SBF2: variants seen among roughly 807,000 people sequenced by gnomAD.
SBF2 encodes the protein myotubularin-related protein 13.
SBF2 carries 112 observed loss-of-function variants against 225.2 expected under a neutral mutation model. The ratio of observed to expected loss-of-function variants is 0.50; its 90% CI spans 0.43 to 0.58. SBF2 has a LOEUF of 0.58. Among genes scored for constraint, SBF2 ranks in the 20% least tolerant of loss-of-function variants. SBF2 has a pLI of 0.00. For missense variants in SBF2, 1,996 were observed against 2,206.2 expected (o/e 0.90, Z 1.91); for synonymous variants, 763 against 773.3 (o/e 0.99, Z 0.22).
intron 3 of SBF2, among the ~76,000 whole-genome samples, chr11:10,035,599 G>A (rs1280134525): frequency 6.6e-6 from 1 of 152,100 alleles, no homozygotes; most frequent in Non-Finnish European, 1.5e-5. Flanking sequence ...CAACAAGTGG[G>A]CACAGGATAT....
intron 16 of SBF2, among the ~76,000 whole-genome samples, chr11:9,932,956 G>GAAAAAAA (rs1590510467): frequency 1.9e-4 from 1 of 5,376 alleles, no homozygotes; most frequent in East Asian, 8.9e-3. Flanking sequence ...CAAACGAAAA[G>GAAAAAAA]CAAAAAAAAA....
At chr11:10,058,586 A>G (rs148188080) in intron 2 of SBF2, among the ~76,000 whole-genome samples, 1 of 152,220 alleles carries the variant, frequency 6.6e-6, no homozygotes, top group Non-Finnish European at 1.5e-5. Flanking sequence ...CGTGGAACAT[A>G]TATTTCAGGA....
At chr11:10,210,367 G>A (rs966485582) in intron 1 of SBF2, among the ~76,000 whole-genome samples, 11 of 151,532 alleles carry the variant, frequency 7.3e-5, no homozygotes, top group Non-Finnish European at 8.8e-5. Context: ...AGGAGGAGGA[G>A]GGAGAGGAGG....
chr11:10,210,655 C>G lies in SBF2; in HGVS notation c.56-16668G>C, dbSNP rs186731934. Among the ~76,000 whole-genome samples the G allele has an allele frequency of 1.6e-4, 24 of 152,236 alleles. No individual in the cohort carries two copies. In the East Asian group the frequency reaches 4.6e-3, roughly 29 times the overall value. On this transcript the variant is annotated intron_variant, in intron 1 of 39. Transcript: ENST00000256190. ...TGTAGAACCATCTGTTAACCAAGAA[C>G]ACAGCAGACTCCCCAGGAATAAAAC...
At chr11:10,202,660 T>C (rs895819818) in intron 1 of SBF2, among the ~76,000 whole-genome samples, 2 of 151,790 alleles carry the variant, frequency 1.3e-5, no homozygotes. Flanking sequence ...TGGTGGCGGG[T>C]GCCTGCAGTC....
chr11:10,118,712 A>T (rs1953285147), intron 2 of SBF2, among the ~76,000 whole-genome samples: 1 of 152,078 alleles, frequency 6.6e-6, no homozygotes, highest in Admixed American at 6.5e-5. Context: ...ATCAGAGATG[A>T]CATAATTGAA....
rs138801528 is a variant in SBF2 at position 9,836,845 on chromosome 11, T to C, written c.3455+2653A>G. Among the ~76,000 whole-genome samples the C allele has an allele frequency of 2.6e-5, 4 of 152,322 alleles. No homozygotes were observed. The East Asian group carries it at 7.7e-4, about 29-fold the overall frequency. On this transcript the variant is annotated intron_variant, in intron 26 of 39. Coordinates refer to ENST00000256190, the MANE Select transcript of SBF2 (RefSeq NM_030962.4). ...GTGCTACTGTAAATAGTAGGAATAA[T>C]ACCAAAATAGCATCACTTTTTGAAA...
At chr11:10,011,198 T>C (rs910977688) in intron 6 of SBF2, among the ~76,000 whole-genome samples, 1 of 152,186 alleles carries the variant, frequency 6.6e-6, no homozygotes, top group African/African-American at 2.4e-5. Context: ...CTCTTTTTCC[T>C]GCAGTCTTAA....
rs183496643 is a variant in SBF2 at position 9,793,547 on chromosome 11, G to A, written c.4570+2284C>T. Reference sequence around the variant, plus strand: ...TGGGATTACAGGCACATGCCACCACGCCTGGCTAATGTTTGTATTTTTAGT... The same window carrying A: ...TGGGATTACAGGCACATGCCACCACACCTGGCTAATGTTTGTATTTTTAGT... On this transcript the variant is annotated intron_variant, in intron 33 of 39. Coordinates refer to ENST00000256190, the MANE Select transcript of SBF2 (RefSeq NM_030962.4). Among the ~76,000 whole-genome samples the A allele has an allele frequency of 1.5e-4, 23 of 152,192 alleles. No homozygotes were observed. The East Asian group carries it at 3.1e-3, about 20-fold the overall frequency.
rs1371647333 is a variant in SBF2 at position 9,829,441 on chromosome 11, T to C, written c.3708A>G (p.Gln1236=). The change falls in exon 28 of 40, where the codon CAA becomes CAG. Residue 1236 remains glutamine (Q), a synonymous_variant. Coordinates refer to ENST00000256190, the MANE Select transcript of SBF2 (RefSeq NM_030962.4). ...GGACAGAAACAGCATTCAGTAAGGC[T>C]TGCAAGTATTTCTCTTGTTCTATGC... is the stretch of plus-strand genomic sequence containing the variant. ...SSSIEQEKYL[Q]ALLNAVSVHQ... is the part of the protein sequence containing the mutation. 2.5e-6 allele frequency: 4 copies of C among 1,613,702 alleles called. No homozygotes were observed. The highest frequency in any genetic ancestry group is 3.3e-5 in the Admixed American group (2 of 60,028).
intron 17 of SBF2, among the ~76,000 whole-genome samples, chr11:9,883,992 T>A (rs577346765): frequency 6.6e-6 from 1 of 152,344 alleles, no homozygotes; most frequent in African/African-American, 2.4e-5. Flanking sequence ...CAGAAGTGAA[T>A]GACAGACTCT....
intron 6 of SBF2, among the ~76,000 whole-genome samples, chr11:10,014,505 T>TAAAAA (rs1181315538): frequency 2.5e-3 from 176 of 70,266 alleles, no homozygotes; most frequent in East Asian, 5.6e-3. Flanking sequence ...CCATTTCAAC[T>TAAAAA]AAAAAAAAAA....
intron 27 of SBF2, among the ~76,000 whole-genome samples, chr11:9,831,557 G>C (rs1248821905): frequency 6.6e-6 from 1 of 152,176 alleles, no homozygotes; most frequent in East Asian, 1.9e-4. Flanking sequence ...AATCGGATCT[G>C]ATATCTTAGT....
intron 16 of SBF2, among the ~76,000 whole-genome samples, chr11:9,919,920 AG>A (rs1271015811): frequency 6.6e-6 from 1 of 151,766 alleles, no homozygotes; most frequent in African/African-American, 2.4e-5. Context: ...TAGTAGAGAC[AG>A]GGGTTTCTCC....
chr11:10,172,476 C>A (rs531772469), intron 2 of SBF2, among the ~76,000 whole-genome samples: 214 of 152,226 alleles, frequency 1.4e-3, no homozygotes, highest in African/African-American at 4.7e-3. Flanking sequence ...CTCAGCCTCC[C>A]AAGTAGCTGG....
At chr11:9,909,792 A>T (rs186845472) in intron 16 of SBF2, among the ~76,000 whole-genome samples, 144 of 152,240 alleles carry the variant, frequency 9.5e-4, no homozygotes, top group Non-Finnish European at 1.4e-3. Flanking sequence ...ACCTACTGAA[A>T]CCTAACCTTC....
intron 2 of SBF2, among the ~76,000 whole-genome samples, chr11:10,085,835 C>G (rs1323312046): frequency 6.6e-6 from 1 of 152,088 alleles, no homozygotes; most frequent in Non-Finnish European, 1.5e-5. Flanking sequence ...CTTGACCCTC[C>G]TGTCCCCAGC....
chr11:10,210,564 G>A (rs1957902079), intron 1 of SBF2, among the ~76,000 whole-genome samples: 1 of 152,074 alleles, frequency 6.6e-6, no homozygotes, highest in Non-Finnish European at 1.5e-5. Context: ...GAAAAAAATA[G>A]TATTAGGAGA....
At chr11:9,959,542 T>C (rs1032668992) in intron 16 of SBF2, 10 of 785,120 alleles carry the variant, frequency 1.3e-5, no homozygotes, top group African/African-American at 1.7e-5. Context: ...GAGGTCCTTG[T>C]GGAAGGGGTC....
Sources: allele counts gnomAD v4.1 joint callset (sites outside exome capture counted in the v4.1 genomes callset), GRCh38; gene constraint gnomAD v4.1.1; transcripts MANE v1.5; gene names NCBI Gene and HGNC (gene_info 2026-07-23, HGNC 2026-07-21).